Variants in GIGYF1 observed in about 807,000 individuals in gnomAD.
GIGYF1 encodes the protein GRB10-interacting GYF protein 1.
GIGYF1 carries 84 observed loss-of-function variants against 147.1 expected under a neutral mutation model. The observed-to-expected ratio is 0.57, with a 90% CI of 0.48 to 0.68. The LOEUF is 0.68. GIGYF1 is among the 30% of genes least tolerant of loss of function. The pLI, the probability that GIGYF1 is intolerant of heterozygous loss-of-function variation, is 0.00. For missense variants in GIGYF1, 1,485 were observed against 1,393.7 expected (o/e 1.07, Z -1.04); for synonymous variants, 752 against 589.5 (o/e 1.28, Z -3.99).
Position 100,680,527 on chromosome 7 carries a change from GCAT to G in GIGYF1, c.*1189_*1191del, listed in dbSNP as rs1029728897. On this transcript the variant is annotated 3_prime_UTR_variant, in exon 27 of 27. Transcript: ENST00000678049. Reference sequence around the variant, plus strand: ...CCAACCTTACCCAACGGTAAAAAGCGCATCATATCAGACCCGGAAGGCCACCTG... The same window carrying G: ...CCAACCTTACCCAACGGTAAAAAGCGCATATCAGACCCGGAAGGCCACCTG... 1 of 152,650 alleles carries G rather than the reference GCAT, an allele frequency of 6.6e-6. No individual in the cohort carries two copies. The highest frequency in any genetic ancestry group is 6.5e-5 in the Admixed American group (1 of 15,288). 9.5% of individuals were successfully genotyped at this position (152,650 alleles called of 1,614,324 possible).
chr7:100,694,002 C>T (rs1392154506), intron 1 of GIGYF1, 108 bp downstream of exon 1: 1 of 148,222 alleles, frequency 6.7e-6, no homozygotes, highest in African/African-American at 2.5e-5. Context: ...GCGCTGGCTC[C>T]GGCGCTTCTC....
chr7:100,690,184 G>A (rs920353972), intron 1 of GIGYF1, among the ~76,000 whole-genome samples: 2 of 152,200 alleles, frequency 1.3e-5, no homozygotes, highest in Non-Finnish European at 2.9e-5. Context: ...AAAGGTATCT[G>A]GAGATAACCA....
At position 100,684,107 on chromosome 7, in the gene GIGYF1, A is replaced by G. The variant is rs1289831305; in HGVS notation, c.1781T>C (p.Leu594Pro). The G allele has an allele frequency of 3.7e-6, 6 of 1,607,648 alleles. No homozygotes were observed. The highest frequency in any genetic ancestry group is 5.1e-6 in the Non-Finnish European group (6 of 1,179,674). ...TGGCGGCGGCGGTGGTGGCGGTGTC[A>G]GGTCCCCCAGAGCTGCCTTTTCTCG... Reference protein sequence around the residue: ...ALREKAALGDLTPPPPPPPQQ... With the variant: ...ALREKAALGDPTPPPPPPPQQ... Residue 594 changes from leucine (L) to proline (P), a missense_variant, in exon 18 of 27, where the codon CTG becomes CCG. Transcript: ENST00000678049.
rs1805328200 is a variant in GIGYF1 at position 100,686,286 on chromosome 7, G to A, written c.842C>T (p.Pro281Leu). Residue 281 changes from proline (P) to leucine (L), a missense_variant, in exon 11 of 27, where the codon CCT (proline) becomes CTT (leucine). Pro to Leu is a moderately conservative substitution (Grantham distance 98). Coordinates refer to ENST00000678049, the MANE Select transcript of GIGYF1 (RefSeq NM_001375765.1). ...GSSHLRRCRAPEGFEEDKDGL... is the reference protein window; with the variant it reads ...GSSHLRRCRALEGFEEDKDGL... ...ATCCTTGTCCTCCTCAAAGCCTTCA[G>A]GCGCTCGGCACCGCCGCAGGTGAGA... 2 of 1,613,982 alleles carry A rather than the reference G, an allele frequency of 1.2e-6. No individual in the cohort carries two copies. Among genetic ancestry groups the A allele is most frequent in the African/African-American group, 1.3e-5 (1 of 75,010 alleles).
At position 100,681,297 on chromosome 7, in the gene GIGYF1, A is replaced by T. The variant is rs1804724541; in HGVS notation, c.*422T>A. Reference sequence around the variant, plus strand: ...TGTGTCCCCACTGCCCCAAAATAACAGTGTGTTTTTTCTTTCAGCCTCCTA... The same window carrying T: ...TGTGTCCCCACTGCCCCAAAATAACTGTGTGTTTTTTCTTTCAGCCTCCTA... On this transcript the variant is annotated 3_prime_UTR_variant, in exon 27 of 27. Transcript: ENST00000678049. 6.7e-6 allele frequency: 1 copy of T among 150,140 alleles called. No individual in the cohort carries two copies. The highest frequency in any genetic ancestry group is 1.5e-5 in the Non-Finnish European group (1 of 68,774). The allele number at this position is 150,140 out of a possible 1,614,324, so 9.3% of individuals were successfully genotyped here.
At position 100,687,554 on chromosome 7, in the gene GIGYF1, G is replaced by GA; in HGVS notation, c.323_324insT (p.Leu111ProfsTer20). 6.2e-7 allele frequency: 1 copy of GA among 1,612,528 alleles called. No individual in the cohort carries two copies. Among genetic ancestry groups the GA allele is most frequent in the Non-Finnish European group, 8.5e-7 (1 of 1,179,842 alleles). On this transcript the variant is annotated frameshift_variant, in exon 7 of 27. Coordinates refer to ENST00000678049, the MANE Select transcript of GIGYF1 (RefSeq NM_001375765.1). LOFTEE classifies it high-confidence loss of function. ...CTCGGGAGGTGCCAGCCAGGGGGGG[G>GA]CCAGCCCCTTTCCCCATCAGCCTCA...
rs181333500 is a variant in GIGYF1, at chr7:100,686,635, G to A, written c.694+14C>T. ...CCCACTGCCCCCGCCAATGCTACCA[G>A]GCCCCAATCTCACCAGGGCTGGCGG... On this transcript the variant is annotated intron_variant, in intron 10 of 26. Coordinates refer to ENST00000678049, the MANE Select transcript of GIGYF1 (RefSeq NM_001375765.1). The A allele has an allele frequency of 1.2e-6, 2 of 1,604,984 alleles. No homozygotes were observed. Among genetic ancestry groups the A allele is most frequent in the Non-Finnish European group, 8.5e-7 (1 of 1,176,972 alleles).
intron 1 of GIGYF1, among the ~76,000 whole-genome samples, chr7:100,690,929 T>C (rs221800): frequency 0.91 from 138,717 of 151,638 alleles, 63,592 homozygotes; most frequent in Middle Eastern, 0.99. Context: ...GGGGGAATGG[T>C]TCATGCAGAC....
chr7:100,682,438 G>GTCTTTTTGC lies in GIGYF1; in HGVS notation c.2636_2644dup (p.Lys881_Thr882insSerLysLys). 2 of 1,613,460 alleles carry GTCTTTTTGC rather than the reference G, an allele frequency of 1.2e-6. No individual in the cohort carries two copies. The highest frequency in any genetic ancestry group is 4.5e-5 in the East Asian group (2 of 44,868). ...CTTCAGCAGCTTCTCTTCTTCCTCC[G>GTCTTTTTGC]TCTTTTTGCGAATGGGCCGACCCGA... On this transcript the variant is annotated inframe_insertion, in exon 24 of 27. Coordinates refer to ENST00000678049, the MANE Select transcript of GIGYF1 (RefSeq NM_001375765.1).
rs751175112 is a variant in GIGYF1 at position 100,682,696 on chromosome 7, C to A, written c.2494G>T (p.Gly832Trp). ...AGCCCCAGGCCGCTGCTGCCGCCCC[C>A]ACTCTTGTCTGGCCCGCCCCACAGT... ...GPLWGGPDKS[G>W]GGSSGLGLWE... Residue 832 changes from glycine (G) to tryptophan (W), a missense_variant, in exon 23 of 27, where the codon GGG becomes TGG. Coordinates refer to ENST00000678049, the MANE Select transcript of GIGYF1 (RefSeq NM_001375765.1). The A allele has an allele frequency of 1.3e-6, 2 of 1,598,240 alleles. No homozygotes were observed. Among genetic ancestry groups the A allele is most frequent in the South Asian group, 2.2e-5 (2 of 89,124 alleles).
At chr7:100,683,956 C>T in intron 18 of GIGYF1, 38 bp from the exon 19 acceptor site, 16 of 1,566,478 alleles carry the variant, frequency 1.0e-5, no homozygotes, top group Non-Finnish European at 1.4e-5. Flanking sequence ...ACCCCAAATC[C>T]ATCTCTGGTC....
rs1001059743 is a variant in GIGYF1, at chr7:100,688,586, G to A, written c.-135+6C>T. 47 of 543,588 alleles carry A rather than the reference G, an allele frequency of 8.6e-5. No homozygotes were observed. The highest frequency in any genetic ancestry group is 8.4e-4 in the African/African-American group (45 of 53,302). The allele number at this position is 543,588 out of a possible 1,614,324, so 33.7% of individuals were successfully genotyped here. On this transcript the variant is annotated splice_donor_region_variant and intron_variant, in intron 2 of 26. Transcript: ENST00000678049. ...GCAGGGCAACCACCCTTGGCCCGGG[G>A]CTCACCTGGCAGCCTGGCCCGGGAA...
intron 20 of GIGYF1, 34 bp from the exon 21 acceptor site, chr7:100,683,478 C>T (rs1562872449): frequency 6.2e-7 from 1 of 1,614,146 alleles, no homozygotes; most frequent in South Asian, 1.1e-5. Flanking sequence ...GGGAGAGCTG[C>T]AGGGGACAGC....
chr7:100,686,887 T>G (rs1805402375), intron 9 of GIGYF1, 68 bp from the exon 10 acceptor site: 5 of 1,599,304 alleles, frequency 3.1e-6, no homozygotes, highest in Non-Finnish European at 4.3e-6. Context: ...CAAGAAACGT[T>G]GGGGGGGCCA....
chr7:100,690,823 C>A (rs1047109186), intron 1 of GIGYF1, among the ~76,000 whole-genome samples: 1 of 151,364 alleles, frequency 6.6e-6, no homozygotes, highest in African/African-American at 2.4e-5. Flanking sequence ...TGGCCTCACA[C>A]TGCCCCCTGC....
rs372977601 is a variant in GIGYF1, at chr7:100,686,767, G to A, written c.576C>T (p.Arg192=). 30 of 1,613,952 alleles carry A rather than the reference G, an allele frequency of 1.9e-5. No homozygotes were observed. Among genetic ancestry groups the A allele is most frequent in the Non-Finnish European group, 2.4e-5 (28 of 1,180,022 alleles). ...GGAGPRKEHA[R]SDSENWRSLR... ...GGGAGCGCCAGTTCTCGCTGTCTGAGCGGGCGTGCTCCTTCCTTGGGCCAG... is the reference window on the plus strand; with the variant it reads ...GGGAGCGCCAGTTCTCGCTGTCTGAACGGGCGTGCTCCTTCCTTGGGCCAG... The change falls in exon 10 of 27, where the codon CGC becomes CGT. Residue 192 remains arginine, a synonymous_variant. Coordinates refer to ENST00000678049, the MANE Select transcript of GIGYF1 (RefSeq NM_001375765.1).
intron 22 of GIGYF1, 25 bp from the exon 23 acceptor site, chr7:100,682,802 G>A (rs775853488): frequency 5.9e-6 from 9 of 1,513,324 alleles, no homozygotes; most frequent in Non-Finnish European, 6.2e-6. Flanking sequence ...AGATCAGAGT[G>A]GCTCAAACAA....
chr7:100,692,677 G>C (rs546936406), intron 1 of GIGYF1, among the ~76,000 whole-genome samples: 1 of 152,192 alleles, frequency 6.6e-6, no homozygotes, highest in Non-Finnish European at 1.5e-5. Context: ...AGCAGAAAAA[G>C]CTAGTCCAGA....
intron 6 of GIGYF1, 52 bp from the exon 7 acceptor site, chr7:100,687,668 C>T: frequency 6.8e-7 from 1 of 1,460,006 alleles, no homozygotes; most frequent in Non-Finnish European, 9.4e-7. Context: ...CAACCACCTC[C>T]ACCCCCACCC....
Sources: allele counts gnomAD v4.1 joint callset (sites outside exome capture counted in the v4.1 genomes callset), GRCh38; gene constraint gnomAD v4.1.1; transcripts MANE v1.5; gene names NCBI Gene and HGNC (gene_info 2026-07-23, HGNC 2026-07-21).